The following MTUS2 variants were observed in gnomAD, a reference collection of about 807,000 sequenced individuals.
The protein encoded by MTUS2 is microtubule-associated tumor suppressor candidate 2.
Under a neutral mutation model 114.1 loss-of-function variants are expected in MTUS2, and 40 were observed. That is an observed-to-expected ratio of 0.35 (90% confidence interval 0.27 to 0.46). The LOEUF (loss-of-function observed/expected upper bound fraction) is 0.46, where lower values mean the gene tolerates loss of function less well. Among genes scored for constraint, MTUS2 ranks in the 20% least tolerant of loss-of-function variants. MTUS2 has a pLI of 1.00. For synonymous variants in MTUS2, 688 were observed against 672.0 expected, an observed-to-expected ratio of 1.02 and a Z score of -0.37; for missense variants, 1,679 against 1,705.4, an observed-to-expected ratio of 0.98 and a Z score of 0.27.
At chr13:29,333,389 G>A (rs917555612) in intron 7 of MTUS2, among the ~76,000 whole-genome samples, 1 of 151,978 alleles carries the variant, frequency 6.6e-6, no homozygotes, top group Non-Finnish European at 1.5e-5. Flanking sequence ...TAGAGATGGG[G>A]TTTCTCCATG....
chr13:28,897,376 A>G (rs1879343239), intron 2 of MTUS2, among the ~76,000 whole-genome samples: 1 of 152,210 alleles, frequency 6.6e-6, no homozygotes, highest in Non-Finnish European at 1.5e-5. Context: ...TTAGAATGGC[A>G]GTCATTAAAA....
At chr13:28,905,213 G>C (rs1453520216) in intron 2 of MTUS2, among the ~76,000 whole-genome samples, 5 of 151,582 alleles carry the variant, frequency 3.3e-5, no homozygotes, top group Non-Finnish European at 7.4e-5. Flanking sequence ...GAGACAATTT[G>C]ACTTCCTCTT....
chr13:29,387,096 A>G (rs929187932), intron 8 of MTUS2, among the ~76,000 whole-genome samples: 1 of 152,228 alleles, frequency 6.6e-6, no homozygotes, highest in African/African-American at 2.4e-5. Flanking sequence ...GCAGGGTAGC[A>G]GCTCCTGCCC....
intron 8 of MTUS2, among the ~76,000 whole-genome samples, chr13:29,438,331 T>C (rs1877567635): frequency 6.6e-6 from 1 of 152,158 alleles, no homozygotes; most frequent in Non-Finnish European, 1.5e-5. Flanking sequence ...AGGTGTCCGT[T>C]GGGTCTGTCT....
At chr13:28,866,081 A>C (rs149211146) in intron 2 of MTUS2, among the ~76,000 whole-genome samples, 3 of 152,198 alleles carry the variant, frequency 2.0e-5, no homozygotes, top group Non-Finnish European at 4.4e-5. Flanking sequence ...GCTGTATTTA[A>C]ATTTTCATGA....
chr13:29,340,107 G>A (rs1378693044), intron 7 of MTUS2, among the ~76,000 whole-genome samples: 1 of 152,216 alleles, frequency 6.6e-6, no homozygotes, highest in African/African-American at 2.4e-5. Flanking sequence ...ATAGGGTTCC[G>A]CACGGGCCAG....
At chr13:29,123,563 A>T (rs1891397680) in intron 5 of MTUS2, among the ~76,000 whole-genome samples, 1 of 152,114 alleles carries the variant, frequency 6.6e-6, no homozygotes, top group African/African-American at 2.4e-5. Context: ...CTAAAAATAC[A>T]AAAATTAGCT....
At chr13:28,887,111 G>T (rs1315022588) in intron 2 of MTUS2, among the ~76,000 whole-genome samples, 2 of 152,210 alleles carry the variant, frequency 1.3e-5, no homozygotes, top group African/African-American at 2.4e-5. Context: ...GGCTCTGGGT[G>T]CTGGCTAAGG....
At chr13:29,180,631 G>C (rs1893958951) in intron 5 of MTUS2, among the ~76,000 whole-genome samples, 1 of 152,120 alleles carries the variant, frequency 6.6e-6, no homozygotes, top group Non-Finnish European at 1.5e-5. Context: ...TCAAGTTAAG[G>C]TTTATCCAAA....
At chr13:28,829,924 T>G (rs1007086258) in intron 1 of MTUS2, among the ~76,000 whole-genome samples, 1 of 152,216 alleles carries the variant, frequency 6.6e-6, no homozygotes, top group Admixed American at 6.5e-5. Flanking sequence ...CATCTCAGAC[T>G]AACAATGAGG....
rs191176108 is a variant in MTUS2, at chr13:28,940,943, A to C, written c.-242-83514A>C. ...ACATGTACCATAAAAACATTAACCC[A>C]AAAAAAGCTAGGGTAACTATACTGT... On this transcript the variant is annotated intron_variant, in intron 2 of 15. Transcript: ENST00000612955. 7.7e-3 allele frequency among the ~76,000 whole-genome samples: 1,173 copies of C among 152,142 alleles called. 5 individuals carry two copies. The highest frequency in any genetic ancestry group is 0.013 in the Non-Finnish European group (892 of 67,970).
Position 29,022,693 on chromosome 13 carries a change from G to T in MTUS2, c.-242-1764G>T, listed in dbSNP as rs760199691. 2.0e-4 allele frequency among the ~76,000 whole-genome samples: 31 copies of T among 152,170 alleles called. 1 individual carries two copies. Among genetic ancestry groups the T allele is most frequent in the Non-Finnish European group, 3.4e-4 (23 of 68,040 alleles). On this transcript the variant is annotated intron_variant, in intron 2 of 15. Coordinates refer to ENST00000612955, the MANE Select transcript of MTUS2 (RefSeq NM_001033602.4). ...TCTCCATTGGGGGAATTGGTGACGG[G>T]GCAGAACCTTGTTGCTGTTAAAATC...
chr13:29,376,005 G>C (rs1340251908), intron 8 of MTUS2, among the ~76,000 whole-genome samples: 1 of 115,598 alleles, frequency 8.7e-6, no homozygotes, highest in Admixed American at 1.0e-4. Flanking sequence ...ATATATGTGT[G>C]TGTGTGTGTA....
intron 4 of MTUS2, among the ~76,000 whole-genome samples, chr13:29,035,781 A>C (rs1887032156): frequency 6.6e-6 from 1 of 152,104 alleles, no homozygotes; most frequent in Non-Finnish European, 1.5e-5. Flanking sequence ...CTTAACTTTC[A>C]GACTGTCCCA....
intron 6 of MTUS2, among the ~76,000 whole-genome samples, chr13:29,295,729 A>G (rs963073784): frequency 6.6e-6 from 1 of 152,116 alleles, no homozygotes; most frequent in African/African-American, 2.4e-5. Context: ...TGTTTAATGG[A>G]CTCAACAGTT....
chr13:29,026,960 A>G, intron 3 of MTUS2, 57 bp downstream of exon 3: 1 of 1,460,442 alleles, frequency 6.8e-7, no homozygotes, highest in Non-Finnish European at 9.1e-7. Flanking sequence ...TATCTGTGAC[A>G]TATTTTCAAT....
intron 7 of MTUS2, among the ~76,000 whole-genome samples, chr13:29,336,413 A>G (rs9508367): frequency 0.27 from 40,767 of 152,012 alleles, 6,256 homozygotes; most frequent in African/African-American, 0.43. Context: ...CTGCAGGTCC[A>G]CTAGAGTTTG....
intron 5 of MTUS2, among the ~76,000 whole-genome samples, chr13:29,101,639 A>AGGTT (rs1269669964): frequency 6.6e-6 from 1 of 152,182 alleles, no homozygotes; most frequent in Admixed American, 6.5e-5. Context: ...TTGATGACCA[A>AGGTT]ACCCCATCTC....
intron 2 of MTUS2, among the ~76,000 whole-genome samples, chr13:28,886,952 C>G (rs962167174): frequency 6.6e-6 from 1 of 152,086 alleles, no homozygotes; most frequent in Non-Finnish European, 1.5e-5. Flanking sequence ...CAGGTTGGAG[C>G]GCTAGGAGGC....
Sources: gnomAD v4.1 joint callset for allele counts (sites outside exome capture counted in the v4.1 genomes callset) on GRCh38, gnomAD v4.1.1 for gene constraint, MANE v1.5 for transcripts, NCBI Gene and HGNC (gene_info 2026-07-23, HGNC 2026-07-21) for gene names.